The following ATP6V1B1 variants were observed in gnomAD, a reference collection of about 807,000 sequenced individuals.
ATP6V1B1 encodes the protein V-type proton ATPase subunit B, kidney isoform.
ATP6V1B1 carries 41 observed loss-of-function variants against 62.1 expected under a neutral mutation model. The observed-to-expected ratio is 0.66, with a 90% CI of 0.51 to 0.86. The LOEUF is 0.86. ATP6V1B1 is among the 40% of genes least tolerant of loss of function. The pLI is 0.00. For missense variants in ATP6V1B1, 651 were observed against 697.5 expected, an observed-to-expected ratio of 0.93 and a Z score of 0.75; for synonymous variants, 253 against 273.4, an observed-to-expected ratio of 0.93 and a Z score of 0.74.
chr2:70,942,377 C>CCTTATAAAAATCTGTGCAAGAAT, intron 1 of ATP6V1B1: 1 of 398,640 alleles, frequency 2.5e-6, no homozygotes. Context: ...CTTGGAGGAT[C>CCTTATAAAAATCTGTGCAAGAAT]CTTATAAAAA....
chr2:70,957,608 A>C (rs1680470304), intron 2 of ATP6V1B1, among the ~76,000 whole-genome samples: 1 of 152,098 alleles, frequency 6.6e-6, no homozygotes, highest in African/African-American at 2.4e-5. Flanking sequence ...TCATTATTAC[A>C]TCTTTATTGA....
intron 3 of ATP6V1B1, 47 bp from the exon 4 acceptor site, chr2:70,958,286 C>T: frequency 6.2e-7 from 1 of 1,606,230 alleles, no homozygotes; most frequent in South Asian, 1.1e-5. Flanking sequence ...TAGCCCCATT[C>T]CCTCCAGCAG....
At chr2:70,937,103 GGCCCGCC>G (rs2104796632) in intron 1 of ATP6V1B1, among the ~76,000 whole-genome samples, 1 of 101,594 alleles carries the variant, frequency 9.8e-6, no homozygotes, top group South Asian at 3.2e-4. Flanking sequence ...AAACCAGCAT[GGCCCGCC>G]ACAGCTATGC....
rs782052865 is a variant in ATP6V1B1, at chr2:70,935,980, CT to C, written c.27del (p.Leu12SerfsTer8). The C allele has an allele frequency of 8.1e-6, 13 of 1,613,816 alleles. No individual in the cohort carries two copies. Among genetic ancestry groups the C allele is most frequent in the Admixed American group, 1.7e-5 (1 of 59,984 alleles). ...ATGGCCATGGAGATAGACAGCAGGC[CT>C]GGGGGGCTCCCCGGCAGTAGCTGCA... is the stretch of plus-strand genomic sequence containing the variant. MAMEIDSR[P>X]GGLPGSSCNL... On this transcript the variant is annotated frameshift_variant, in exon 1 of 14. Transcript: ENST00000234396. LOFTEE classifies it high-confidence loss of function.
At chr2:70,955,949 C>G (rs920190263) in intron 2 of ATP6V1B1, 1 of 162,722 alleles carries the variant, frequency 6.1e-6, no homozygotes, top group Non-Finnish European at 1.5e-5. Context: ...ATTTCGGGTG[C>G]TATTGGGAAT....
At chr2:70,940,611 T>TG (rs1307026708) in intron 1 of ATP6V1B1, 5 of 985,356 alleles carry the variant, frequency 5.1e-6, no homozygotes, top group Non-Finnish European at 6.0e-6. Flanking sequence ...CCCAAGCCTC[T>TG]GTCTCCTACC....
intron 2 of ATP6V1B1, among the ~76,000 whole-genome samples, chr2:70,946,736 C>T (rs983817813): frequency 6.6e-6 from 1 of 152,166 alleles, no homozygotes; most frequent in Non-Finnish European, 1.5e-5. Context: ...CCTCCTGCCC[C>T]CTCTCCACCT....
intron 2 of ATP6V1B1, among the ~76,000 whole-genome samples, chr2:70,951,496 A>G (rs1054568752): frequency 1.3e-5 from 2 of 151,812 alleles, no homozygotes; most frequent in African/African-American, 4.8e-5. Flanking sequence ...TGCATTTGTC[A>G]TGTCTGTCTA....
chr2:70,964,112 G>GTTTTTTTTTTTTTTTTTTTTTTTTT, intron 11 of ATP6V1B1: 1 of 157,318 alleles, frequency 6.4e-6, no homozygotes, highest in African/African-American at 5.4e-5. Context: ...TGCTTGGCAG[G>GTTTTTTTTTTTTTTTTTTTTTTTTT]TATTTTTTTT....
In ATP6V1B1 at chr2:70,965,212, G is replaced by A. The variant is rs868945398; in HGVS notation, c.*91G>A. 51 of 1,559,640 alleles carry A rather than the reference G, an allele frequency of 3.3e-5. No individual in the cohort carries two copies. The Middle Eastern group carries it at 9.2e-4, about 28-fold the overall frequency. ...CTCGCCACCCCAACCAGCGGCTTCT[G>A]CGCCGCCCTCCGCCCTCCGCTGGCT... On this transcript the variant is annotated 3_prime_UTR_variant, in exon 14 of 14. Coordinates refer to ENST00000234396, the MANE Select transcript of ATP6V1B1 (RefSeq NM_001692.4).
intron 1 of ATP6V1B1, chr2:70,940,253 G>T: frequency 1.9e-6 from 1 of 520,504 alleles, no homozygotes; most frequent in Non-Finnish European, 2.5e-6. Context: ...AAGGAAGGGA[G>T]GAAGTTGAAA....
chr2:70,935,940 G>C lies in ATP6V1B1; in HGVS notation c.-15G>C. 1.2e-6 allele frequency: 2 copies of C among 1,608,764 alleles called. No individual in the cohort carries two copies. Among genetic ancestry groups the C allele is most frequent in the Non-Finnish European group, 1.7e-6 (2 of 1,176,126 alleles). On this transcript the variant is annotated 5_prime_UTR_variant, in exon 1 of 14. Transcript: ENST00000234396. ...AGCAGGCTCAGACACTGGGCTCCCA[G>C]CTGGGGACTGCTCCATGGCCATGGA...
At chr2:70,940,582 A>G (rs1679970783) in intron 1 of ATP6V1B1, 1 of 985,306 alleles carries the variant, frequency 1.0e-6, no homozygotes, top group African/African-American at 1.7e-5. Context: ...GTTTTTTTTA[A>G]TTGATGGGAA....
chr2:70,960,440 G>C (rs1189711767), intron 6 of ATP6V1B1, among the ~76,000 whole-genome samples: 3 of 152,158 alleles, frequency 2.0e-5, no homozygotes, highest in Non-Finnish European at 4.4e-5. Flanking sequence ...AGAGCAGCTG[G>C]TGTGACAAGG....
rs529700432 is a variant in ATP6V1B1 at position 70,961,482 on chromosome 2, C to A, written c.688-114C>A. The A allele has an allele frequency of 6.3e-5, 71 of 1,124,900 alleles. No individual in the cohort carries two copies. The South Asian group carries it at 7.9e-4, about 13-fold the overall frequency. 69.7% of individuals were successfully genotyped at this position (1,124,900 alleles called of 1,614,324 possible). A position where few individuals can be genotyped will look rare whatever the true frequency, so the allele number is the denominator to read the frequency against. ...CCCCATGGCCTTGGTGTCTTCACCC[C>A]CAGCGACTGGTAGCTGGTCAGTCCA... On this transcript the variant is annotated intron_variant, in intron 7 of 13. Transcript: ENST00000234396.
intron 2 of ATP6V1B1, among the ~76,000 whole-genome samples, chr2:70,944,580 T>A (rs1186980181): frequency 1.3e-5 from 2 of 151,450 alleles, no homozygotes; most frequent in African/African-American, 4.9e-5. Flanking sequence ...CACCCTCCTA[T>A]CCTGTCTCCA....
chr2:70,941,671 C>T, intron 1 of ATP6V1B1: 3 of 945,890 alleles, frequency 3.2e-6, no homozygotes, highest in Non-Finnish European at 3.8e-6. Flanking sequence ...TAGCTTAGTA[C>T]ATAGAAGGCA....
chr2:70,943,009 A>T (rs782744468), intron 1 of ATP6V1B1, among the ~76,000 whole-genome samples: 21 of 152,152 alleles, frequency 1.4e-4, no homozygotes, highest in Non-Finnish European at 2.4e-4. Context: ...CTCATTTGCC[A>T]TGTGTGGGTC....
intron 2 of ATP6V1B1, among the ~76,000 whole-genome samples, chr2:70,951,897 T>TA (rs1402204705): frequency 2.2e-4 from 33 of 149,268 alleles, no homozygotes; most frequent in South Asian, 8.5e-4. Context: ...AACTCTGTCT[T>TA]AAAAAAAAAA....
Sources: gnomAD v4.1 joint callset for allele counts (sites outside exome capture counted in the v4.1 genomes callset) on GRCh38, gnomAD v4.1.1 for gene constraint, MANE v1.5 for transcripts, NCBI Gene and HGNC (gene_info 2026-07-23, HGNC 2026-07-21) for gene names.